ITGB8: variants seen among roughly 807,000 people sequenced by gnomAD.
The protein encoded by ITGB8 is integrin beta-8.
Under a neutral mutation model 89.5 loss-of-function variants are expected in ITGB8, and 30 were observed. The observed-to-expected ratio is 0.34, with a 90% CI of 0.25 to 0.45. ITGB8 has a LOEUF of 0.45. ITGB8 is among the 20% of genes least tolerant of loss of function. ITGB8 has a pLI of 1.00. For synonymous variants in ITGB8, 335 were observed against 320.4 expected (o/e 1.05, Z -0.49); for missense variants, 836 against 933.3 (o/e 0.90, Z 1.36).
At chr7:20,346,858 T>C (rs1784943172) in intron 1 of ITGB8, 2 of 985,154 alleles carry the variant, frequency 2.0e-6, no homozygotes, top group South Asian at 4.7e-5. Context: ...ACCTTGGAGT[T>C]AATGGCAGGT....
At position 20,388,152 on chromosome 7, in the gene ITGB8, C is replaced by T. The variant is rs191035395; in HGVS notation, c.961-3251C>T. 2.0e-3 allele frequency among the ~76,000 whole-genome samples: 300 copies of T among 152,306 alleles called. 1 individual carries two copies. The highest frequency in any genetic ancestry group is 3.0e-3 in the Non-Finnish European group (206 of 68,018). On this transcript the variant is annotated intron_variant, in intron 6 of 13. Transcript: ENST00000222573. ...AATTGCCCCCAATGAATCTTTCTTA[C>T]CTCTTCTTTCCTTCTGACATTTATA...
intron 1 of ITGB8, among the ~76,000 whole-genome samples, chr7:20,332,507 A>G (rs1784440889): frequency 6.6e-6 from 1 of 151,530 alleles, no homozygotes; most frequent in Non-Finnish European, 1.5e-5. Flanking sequence ...AAAAAAAAAT[A>G]CTATCTAATT....
chr7:20,368,067 C>G (rs980495754), intron 3 of ITGB8, among the ~76,000 whole-genome samples: 1 of 152,178 alleles, frequency 6.6e-6, no homozygotes, highest in African/African-American at 2.4e-5. Context: ...ACTCCCTTCC[C>G]CATTCCAGAA....
At position 20,402,122 on chromosome 7, in the gene ITGB8, T is replaced by C; in HGVS notation, c.1683T>C (p.Cys561=). The part of the protein sequence containing the change: ...FSCPYHHGNL[C]AGHGECEAGR... ...GTCCATATCACCATGGAAATCTGTG[T>C]GCTGGTGAGTATAAATATATACAGG... is the stretch of plus-strand genomic sequence containing the variant. Residue 561 remains cysteine (C), a synonymous_variant, in exon 10 of 14, where the codon TGT becomes TGC. Transcript: ENST00000222573. The C allele has an allele frequency of 1.9e-6, 3 of 1,608,162 alleles. No individual in the cohort carries two copies. Among genetic ancestry groups the C allele is most frequent in the Non-Finnish European group, 2.5e-6 (3 of 1,177,162 alleles).
At chr7:20,405,030 G>A (rs895731121) in intron 11 of ITGB8, among the ~76,000 whole-genome samples, 177 bp downstream of exon 11, 11 of 152,182 alleles carry the variant, frequency 7.2e-5, no homozygotes, top group Non-Finnish European at 7.3e-5. Context: ...CCCCTGGATA[G>A]CTGTGGAAGC....
chr7:20,360,078 TTC>T (rs965273075), intron 1 of ITGB8, among the ~76,000 whole-genome samples: 1 of 152,152 alleles, frequency 6.6e-6, no homozygotes, highest in Non-Finnish European at 1.5e-5. Context: ...GGACCAACAT[TTC>T]TCTCTCTCTG....
At chr7:20,332,030 T>A in intron 1 of ITGB8, 97 bp downstream of exon 1, 1 of 1,518,176 alleles carries the variant, frequency 6.6e-7, no homozygotes, top group South Asian at 1.2e-5. Context: ...CCAGGTAAGT[T>A]GCGGTCATCA....
At chr7:20,394,094 C>T (rs1326403197) in intron 7 of ITGB8, among the ~76,000 whole-genome samples, 1 of 152,124 alleles carries the variant, frequency 6.6e-6, no homozygotes, top group Non-Finnish European at 1.5e-5. Context: ...TACATTTTTC[C>T]TTATGACTTG....
At chr7:20,385,134 C>T (rs1786555271) in intron 6 of ITGB8, among the ~76,000 whole-genome samples, 1 of 152,208 alleles carries the variant, frequency 6.6e-6, no homozygotes, top group South Asian at 2.1e-4. Flanking sequence ...TCAGAGCCCT[C>T]CCAGAAACTG....
intron 1 of ITGB8, among the ~76,000 whole-genome samples, chr7:20,353,886 C>G (rs546683290): frequency 2.3e-5 from 3 of 130,790 alleles, no homozygotes; most frequent in African/African-American, 6.2e-5. Flanking sequence ...GAGCCGAGAT[C>G]GCGCCACTGC....
intron 1 of ITGB8, among the ~76,000 whole-genome samples, chr7:20,339,800 G>T (rs950986171): frequency 6.6e-6 from 1 of 152,140 alleles, no homozygotes; most frequent in Admixed American, 6.5e-5. Context: ...GGCCAAGGTG[G>T]GTGGATCACC....
At chr7:20,395,208 A>G (rs1787021216) in intron 8 of ITGB8, among the ~76,000 whole-genome samples, 1 of 152,230 alleles carries the variant, frequency 6.6e-6, no homozygotes, top group African/African-American at 2.4e-5. Flanking sequence ...GACAGTCAAC[A>G]GAGATTGGGC....
At chr7:20,395,436 C>A (rs892222939) in intron 8 of ITGB8, among the ~76,000 whole-genome samples, 1 of 152,194 alleles carries the variant, frequency 6.6e-6, no homozygotes, top group African/African-American at 2.4e-5. Context: ...CTATGATCAA[C>A]CACTTGATTG....
chr7:20,386,405 ATTTTTTT>A (rs759304002), intron 6 of ITGB8, among the ~76,000 whole-genome samples: 85 of 80,360 alleles, frequency 1.1e-3, no homozygotes, highest in African/African-American at 3.7e-3. Context: ...CACCTGGCTA[ATTTTTTT>A]TTTTTTTTTT....
intron 1 of ITGB8, among the ~76,000 whole-genome samples, chr7:20,356,046 C>T (rs1785282896): frequency 6.6e-6 from 1 of 152,178 alleles, no homozygotes. Context: ...TCTACTACTT[C>T]AGAACCTCCC....
At chr7:20,364,402 T>C (rs1284204992) in intron 2 of ITGB8, among the ~76,000 whole-genome samples, 5 of 152,334 alleles carry the variant, frequency 3.3e-5, no homozygotes, top group Admixed American at 3.3e-4. Flanking sequence ...AGCTTTTGTC[T>C]CCTCTGACTT....
intron 6 of ITGB8, among the ~76,000 whole-genome samples, chr7:20,387,396 C>T (rs1401301639): frequency 6.6e-6 from 1 of 152,200 alleles, no homozygotes; most frequent in Non-Finnish European, 1.5e-5. Flanking sequence ...TTAATCTCCA[C>T]CATCTGAGTG....
At chr7:20,401,635 A>T in intron 9 of ITGB8, 86 bp from the exon 10 acceptor site, 1 of 766,978 alleles carries the variant, frequency 1.3e-6, no homozygotes, top group Non-Finnish European at 1.9e-6. Flanking sequence ...ATGGTTTCTT[A>T]TCAATTCAGT....
At chr7:20,336,768 C>A (rs1431178573) in intron 1 of ITGB8, among the ~76,000 whole-genome samples, 1 of 152,170 alleles carries the variant, frequency 6.6e-6, no homozygotes, top group South Asian at 2.1e-4. Context: ...CCTGTGACCT[C>A]CTTGAGGGAA....
Sources: allele counts gnomAD v4.1 joint callset (sites outside exome capture counted in the v4.1 genomes callset), GRCh38; gene constraint gnomAD v4.1.1; transcripts MANE v1.5; gene names NCBI Gene and HGNC (gene_info 2026-07-23, HGNC 2026-07-21).